The following SEMA3A variants were observed in gnomAD, a reference collection of about 807,000 sequenced individuals.
SEMA3A encodes semaphorin 3A.
In SEMA3A, 29 loss-of-function variants were observed where a neutral mutation model predicts 97.9. The ratio of observed to expected loss-of-function variants is 0.30; its 90% confidence interval spans 0.22 to 0.40. SEMA3A has a LOEUF of 0.40. Among genes scored for constraint, SEMA3A ranks in the 10% least tolerant of loss-of-function variants. The probability of loss-of-function intolerance (pLI) is 1.00; values close to 1 mark genes in which losing one functional copy is unlikely to be tolerated. For missense variants in SEMA3A, 763 were observed against 951.3 expected (o/e 0.80, Z 2.60); for synonymous variants, 321 against 323.7 (o/e 0.99, Z 0.09).
chr7:83,960,141 C>T lies in SEMA3A; in HGVS notation c.*1230G>A, dbSNP rs2116240379. 1 of 152,096 alleles carries T rather than the reference C, an allele frequency of 6.6e-6. No homozygotes were observed. 9.4% of individuals were successfully genotyped at this position (152,096 alleles called of 1,614,324 possible). A position where few individuals can be genotyped will look rare whatever the true frequency, so the allele number is the denominator to read the frequency against. The stretch of plus-strand genomic sequence containing the variant: ...TGTTGCTCTGAATAGTTATTGATCT[C>T]TCTCTTTTAAAAAAATTAAGTGACA... On this transcript the variant is annotated 3_prime_UTR_variant, in exon 17 of 17. Transcript: ENST00000265362.
chr7:84,436,690 T>C (rs535020704), intron 1 of SEMA3A, among the ~76,000 whole-genome samples: 12 of 152,236 alleles, frequency 7.9e-5, no homozygotes, highest in African/African-American at 2.2e-4. Context: ...ACAGTAAATT[T>C]GTGTTTGTGT....
chr7:84,313,299 T>C (rs1204173305), intron 2 of SEMA3A, among the ~76,000 whole-genome samples: 3 of 141,524 alleles, frequency 2.1e-5, no homozygotes, highest in Admixed American at 1.4e-4. Flanking sequence ...AAGATGTATA[T>C]ATATGTATTA....
At chr7:84,447,372 T>C (rs991934031) in intron 1 of SEMA3A, among the ~76,000 whole-genome samples, 1 of 152,166 alleles carries the variant, frequency 6.6e-6, no homozygotes, top group African/African-American at 2.4e-5. Flanking sequence ...AAGCCAGGGA[T>C]GGCCTGAAGT....
chr7:84,128,181 G>A (rs1241644621), intron 3 of SEMA3A, among the ~76,000 whole-genome samples: 1 of 151,936 alleles, frequency 6.6e-6, no homozygotes, highest in Admixed American at 6.6e-5. Flanking sequence ...TCACTCCAGA[G>A]TGCCTAGGAC....
chr7:84,068,509 C>G (rs1419818315), intron 4 of SEMA3A, among the ~76,000 whole-genome samples: 1 of 150,266 alleles, frequency 6.7e-6, no homozygotes, highest in Non-Finnish European at 1.5e-5. Flanking sequence ...TCTATTGTCA[C>G]AATTCATACA....
intron 1 of SEMA3A, among the ~76,000 whole-genome samples, chr7:84,380,749 G>A (rs1019623015): frequency 6.6e-6 from 1 of 152,150 alleles, no homozygotes; most frequent in Non-Finnish European, 1.5e-5. Context: ...AACCCTAGTG[G>A]AGAATCCGTT....
intron 1 of SEMA3A, among the ~76,000 whole-genome samples, chr7:84,400,132 A>T (rs1412108751): frequency 6.6e-6 from 1 of 152,196 alleles, no homozygotes; most frequent in Non-Finnish European, 1.5e-5. Flanking sequence ...CTCAAAACTC[A>T]GTCCCCTCTG....
chr7:84,402,834 G>A lies in SEMA3A; in HGVS notation c.-245-30934C>T, dbSNP rs568838570. Among the ~76,000 whole-genome samples the A allele has an allele frequency of 7.2e-4, 109 of 152,236 alleles. 1 individual carries two copies. The highest frequency in any genetic ancestry group is 2.5e-3 in the African/African-American group (104 of 41,558). On this transcript the variant is annotated intron_variant, in intron 1 of 3. Transcript: ENST00000424555. ...AGGTATAGAAAGACAAATATCACAC[G>A]TTCTCATTCATGTCTGGGGGCTAAA...
At chr7:83,962,812 G>A (rs986212939) in intron 16 of SEMA3A, among the ~76,000 whole-genome samples, 2 of 151,958 alleles carry the variant, frequency 1.3e-5, no homozygotes, top group Admixed American at 1.3e-4. Flanking sequence ...AAGGAGGAAG[G>A]TAATGGATAA....
intron 3 of SEMA3A, among the ~76,000 whole-genome samples, chr7:84,207,937 T>A (rs1035864131): frequency 2.0e-5 from 3 of 152,122 alleles, no homozygotes; most frequent in African/African-American, 7.2e-5. Context: ...CTTCCTAAGA[T>A]TATAAGGCAT....
intron 15 of SEMA3A, among the ~76,000 whole-genome samples, chr7:83,966,384 C>T (rs143230396): frequency 0.021 from 3,259 of 152,188 alleles, 40 homozygotes; most frequent in African/African-American, 0.03. Context: ...TATTCAGGTA[C>T]TTTCTCACCT....
intron 1 of SEMA3A, among the ~76,000 whole-genome samples, chr7:84,452,269 C>G (rs548797208): frequency 6.6e-6 from 1 of 151,798 alleles, no homozygotes. Flanking sequence ...TTAAAAATAG[C>G]CAGTACTAAA....
At chr7:84,132,833 A>C (rs542316741) in intron 2 of SEMA3A, among the ~76,000 whole-genome samples, 3 of 150,950 alleles carry the variant, frequency 2.0e-5, no homozygotes, top group African/African-American at 7.3e-5. Context: ...TCATTACCAC[A>C]CCCAGCTAAT....
chr7:84,034,997 C>T (rs1791891175), intron 6 of SEMA3A, among the ~76,000 whole-genome samples: 1 of 152,048 alleles, frequency 6.6e-6, no homozygotes, highest in African/African-American at 2.4e-5. Context: ...TCTAGTGGAA[C>T]TACTATTTTC....
At chr7:83,977,948 CA>C (rs1789231040) in intron 14 of SEMA3A, among the ~76,000 whole-genome samples, 1 of 151,788 alleles carries the variant, frequency 6.6e-6, no homozygotes, top group Non-Finnish European at 1.5e-5. Flanking sequence ...GGACTACAGG[CA>C]GCCGCCACCA....
chr7:84,184,903 A>G (rs1797833516), intron 1 of SEMA3A, among the ~76,000 whole-genome samples: 1 of 152,140 alleles, frequency 6.6e-6, no homozygotes, highest in South Asian at 2.1e-4. Context: ...GTTAGACAGC[A>G]ACATTGAACA....
Position 83,963,198 on chromosome 7 carries a change from C to T in SEMA3A, c.1860+7G>A. 1 of 1,612,494 alleles carries T rather than the reference C, an allele frequency of 6.2e-7. No individual in the cohort carries two copies. The highest frequency in any genetic ancestry group is 8.5e-7 in the Non-Finnish European group (1 of 1,179,902). On this transcript the variant is annotated splice_region_variant and intron_variant, in intron 16 of 16. Coordinates refer to ENST00000265362, the MANE Select transcript of SEMA3A (RefSeq NM_006080.3). ...TATAAATGATCCAGTCAGTTTCATT[C>T]CTGTACCTCTTCTTTTCGCTCTTCA...
At chr7:84,181,019 C>A (rs1421325663) in intron 1 of SEMA3A, among the ~76,000 whole-genome samples, 1 of 152,018 alleles carries the variant, frequency 6.6e-6, no homozygotes, top group African/African-American at 2.4e-5. Context: ...GTACAATACA[C>A]TTGATTTCAG....
At position 84,358,663 on chromosome 7, in the gene SEMA3A, A is replaced by G. The variant is rs548476016; in HGVS notation, c.-169+13161T>C. Among the ~76,000 whole-genome samples, 802 of 152,134 alleles carry G rather than the reference A, an allele frequency of 5.3e-3. 3 individuals carry two copies. Among genetic ancestry groups the G allele is most frequent in the Non-Finnish European group, 9.5e-3 (647 of 68,006 alleles). On this transcript the variant is annotated intron_variant, in intron 2 of 3. Transcript: ENST00000424555. ...ATGAACTTTAAAGTAGTTTTTTCCA[A>G]TTCTCTGAAGGAAGTCATTTGTAGC...
Sources: allele counts gnomAD v4.1 joint callset (sites outside exome capture counted in the v4.1 genomes callset), GRCh38; gene constraint gnomAD v4.1.1; transcripts MANE v1.5; gene names NCBI Gene and HGNC (gene_info 2026-07-23, HGNC 2026-07-21).